TEX11: variants seen among roughly 807,000 people sequenced by gnomAD.
TEX11 encodes the protein testis expressed 11.
TEX11 carries 7 observed loss-of-function variants against 84.4 expected under a neutral mutation model. That is an observed-to-expected ratio of 0.08 (90% CI 0.05 to 0.16). TEX11 has a LOEUF of 0.16. Ranked by LOEUF, TEX11 falls within the 10% of genes least tolerant of loss-of-function variation. The pLI is 1.00. For missense variants in TEX11, 551 were observed against 660.5 expected (o/e 0.83, Z 1.82); for synonymous variants, 264 against 222.8 (o/e 1.18, Z -1.64).
chrX:70,579,893 TG>T (rs2088747192), intron 25 of TEX11, among the ~76,000 whole-genome samples: 1 of 112,190 alleles, frequency 8.9e-6, no homozygotes. Context: ...TGTACACTGC[TG>T]GTGGGAACAT....
chrX:70,776,525 T>C (rs987951188), intron 9 of TEX11, among the ~76,000 whole-genome samples: 5 of 106,482 alleles, frequency 4.7e-5, no homozygotes, highest in Admixed American at 4.1e-4. Context: ...ACTGCATCAC[T>C]GTACTCCAGC....
At position 70,740,748 on chromosome X, in the gene TEX11, T is replaced by C. The variant is rs996232982; in HGVS notation, c.796A>G (p.Thr266Ala). The change falls in exon 11 of 30, where the codon ACC (threonine) becomes GCC (alanine). Residue 266 changes from threonine (T) to alanine (A), a missense_variant. Physicochemically the swap from Thr to Ala is moderately conservative, Grantham distance 58. Transcript: ENST00000374333. ...TTGAGAGCCTTATCATAATATTTGG[T>C]GTCATCCCAATCCAAATAATTCGTG... The part of the protein sequence containing the change: ...LATNYLDWDD[T>A]KYYDKALNAV... 9 of 1,197,396 alleles carry C rather than the reference T, an allele frequency of 7.5e-6. No homozygotes were observed. The highest frequency in any genetic ancestry group is 4.4e-5 in the Admixed American group (2 of 45,058).
intron 25 of TEX11, 126 bp from the exon 26 acceptor site, chrX:70,554,926 C>G: frequency 1.7e-6 from 1 of 604,493 alleles, no homozygotes; most frequent in Non-Finnish European, 2.4e-6. Flanking sequence ...ATTTGAAGGT[C>G]ATCTTCACTG....
intron 9 of TEX11, among the ~76,000 whole-genome samples, chrX:70,781,794 T>A (rs1186898861): frequency 1.8e-5 from 2 of 110,768 alleles, no homozygotes; most frequent in Admixed American, 1.9e-4. Flanking sequence ...ATGAACAAAA[T>A]CTCCAAGAAA....
At chrX:70,855,202 T>C (rs2147854129) in intron 5 of TEX11, among the ~76,000 whole-genome samples, 1 of 110,948 alleles carries the variant, frequency 9.0e-6, no homozygotes, top group Admixed American at 9.7e-5. Flanking sequence ...TAACATGATA[T>C]AATATGAGAT....
At chrX:70,815,328 A>C (rs964061031) in intron 8 of TEX11, among the ~76,000 whole-genome samples, 11 of 111,857 alleles carry the variant, frequency 9.8e-5, no homozygotes, top group Non-Finnish European at 1.9e-4. Flanking sequence ...CCATTAAATA[A>C]AACATTACTG....
At chrX:70,809,864 T>C (rs1406377627) in intron 8 of TEX11, among the ~76,000 whole-genome samples, 2 of 111,647 alleles carry the variant, frequency 1.8e-5, no homozygotes, top group African/African-American at 6.5e-5. Flanking sequence ...GCCTGGCTAA[T>C]TTTTCATAGG....
chrX:70,552,554 C>T (rs1449310858), intron 27 of TEX11, among the ~76,000 whole-genome samples: 1 of 111,084 alleles, frequency 9.0e-6, no homozygotes, highest in Non-Finnish European at 1.9e-5. Context: ...TAAAGCATCT[C>T]GGTACTTCCT....
chrX:70,837,384 C>T (rs180800940), intron 7 of TEX11, among the ~76,000 whole-genome samples: 98 of 110,517 alleles, frequency 8.9e-4, no homozygotes, highest in Non-Finnish European at 1.6e-3. Flanking sequence ...CTTGGTGAAA[C>T]GCCATCTATA....
chrX:70,560,332 T>C (rs1034768369), intron 25 of TEX11, among the ~76,000 whole-genome samples: 1 of 110,280 alleles, frequency 9.1e-6, no homozygotes, highest in Non-Finnish European at 1.9e-5. Flanking sequence ...GTATTTTTAG[T>C]AGAGATGGGG....
chrX:70,857,994 G>A (rs1201173843), intron 5 of TEX11, among the ~76,000 whole-genome samples: 2 of 110,912 alleles, frequency 1.8e-5, no homozygotes, highest in Admixed American at 9.8e-5. Flanking sequence ...TGACATGTGG[G>A]AGCTAAGCTA....
chrX:70,633,127 A>G (rs376251971), intron 17 of TEX11, among the ~76,000 whole-genome samples: 2 of 112,088 alleles, frequency 1.8e-5, no homozygotes, highest in African/African-American at 6.5e-5. Flanking sequence ...ATAAAACTAC[A>G]AACCAATTTC....
chrX:70,764,405 T>C (rs1357128084), intron 9 of TEX11, among the ~76,000 whole-genome samples: 1 of 111,010 alleles, frequency 9.0e-6, no homozygotes. Context: ...AACCTAACAA[T>C]ACACCTTTAA....
intron 9 of TEX11, among the ~76,000 whole-genome samples, chrX:70,764,390 T>A (rs2090927225): frequency 9.0e-6 from 1 of 111,131 alleles, no homozygotes; most frequent in Non-Finnish European, 1.9e-5. Flanking sequence ...AATTTTCAAA[T>A]AAACAACCTA....
intron 25 of TEX11, among the ~76,000 whole-genome samples, chrX:70,555,912 A>G (rs976508808): frequency 7.1e-5 from 8 of 112,202 alleles, no homozygotes; most frequent in Non-Finnish European, 1.5e-4. Context: ...TTCTAAATTC[A>G]TGGACATAAA....
rs755778216 is a variant in TEX11 at position 70,630,093 on chromosome X, G to A, written c.1484-358C>T. Among the ~76,000 whole-genome samples the A allele has an allele frequency of 6.3e-5, 7 of 111,128 alleles. No individual in the cohort carries two copies. In the East Asian group the frequency reaches 1.4e-3, roughly 22 times the overall value. ...TTTGGGAGGCCGAGGAGGGTGGATC[G>A]CGAGGTCAGGAGATCGAGACCATCC... On this transcript the variant is annotated intron_variant, in intron 17 of 29. Coordinates refer to ENST00000374333, the MANE Select transcript of TEX11 (RefSeq NM_031276.3).
Position 70,651,556 on chromosome X carries a change from G to A in TEX11, c.1381-4C>T. ...CTTCTGCCACTGCCTCTTTGGCCTG[G>A]AAAGAAAAACACTGGGTCATTTTAA... On this transcript the variant is annotated splice_region_variant and splice_polypyrimidine_tract_variant and intron_variant, in intron 16 of 29. Coordinates refer to ENST00000374333, the MANE Select transcript of TEX11 (RefSeq NM_031276.3). 1 of 1,183,125 alleles carries A rather than the reference G, an allele frequency of 8.5e-7. No individual in the cohort carries two copies. Among genetic ancestry groups the A allele is most frequent in the Non-Finnish European group, 1.1e-6 (1 of 874,137 alleles).
intron 8 of TEX11, among the ~76,000 whole-genome samples, chrX:70,817,004 G>GT (rs939673012): frequency 9.0e-6 from 1 of 110,521 alleles, no homozygotes. Flanking sequence ...TTGAAGCCAA[G>GT]TTTTTTGTTG....
intron 13 of TEX11, among the ~76,000 whole-genome samples, chrX:70,692,297 A>G (rs779762978): frequency 5.4e-5 from 6 of 111,287 alleles, no homozygotes; most frequent in Non-Finnish European, 1.1e-4. Context: ...TCTTAACATG[A>G]TATCTACCCT....
Sources: gnomAD v4.1 joint callset for allele counts (sites outside exome capture counted in the v4.1 genomes callset) on GRCh38, gnomAD v4.1.1 for gene constraint, MANE v1.5 for transcripts, NCBI Gene and HGNC (gene_info 2026-07-23, HGNC 2026-07-21) for gene names.